The following PPARGC1A variants were observed in gnomAD, a reference collection of about 807,000 sequenced individuals.
The protein encoded by PPARGC1A is peroxisome proliferator-activated receptor gamma coactivator 1-alpha.
Under a neutral mutation model 88.7 loss-of-function variants are expected in PPARGC1A, and 25 were observed. That is an observed-to-expected ratio of 0.28 (90% confidence interval 0.21 to 0.39). The LOEUF is 0.39. Ranked by LOEUF, PPARGC1A falls within the 10% of genes least tolerant of loss-of-function variation. The probability of loss-of-function intolerance (pLI) is 1.00; values close to 1 mark genes in which losing one functional copy is unlikely to be tolerated. For synonymous variants in PPARGC1A, 363 were observed against 355.6 expected (o/e 1.02, Z -0.24); for missense variants, 880 against 968.7 (o/e 0.91, Z 1.22).
At chr4:24,139,136 A>G in the PPARGC1A span, among the ~76,000 whole-genome samples, 1 of 149,622 alleles carries the variant, frequency 6.7e-6, no homozygotes, top group African/African-American at 2.5e-5. Context: ...ACTATCAGAA[A>G]CTTTTTTTTT....
At chr4:24,235,302 G>C in the PPARGC1A span, among the ~76,000 whole-genome samples, 1 of 152,150 alleles carries the variant, frequency 6.6e-6, no homozygotes, top group Non-Finnish European at 1.5e-5. Context: ...TCACATAAAG[G>C]TATCTTGAAA....
chr4:24,310,466 T>G, the PPARGC1A span, among the ~76,000 whole-genome samples: 1 of 152,200 alleles, frequency 6.6e-6, no homozygotes, highest in African/African-American at 2.4e-5. Context: ...AATTTTATGG[T>G]TCGTAGCTGA....
chr4:24,242,598 T>A, the PPARGC1A span, among the ~76,000 whole-genome samples: 1 of 152,308 alleles, frequency 6.6e-6, no homozygotes, highest in South Asian at 2.1e-4. Flanking sequence ...GTCTTCTCCC[T>A]CTACTGATCT....
chr4:24,200,460 G>C, the PPARGC1A span, among the ~76,000 whole-genome samples: 5 of 151,714 alleles, frequency 3.3e-5, no homozygotes, highest in African/African-American at 1.2e-4. Flanking sequence ...GCAGTGAGCT[G>C]AGATCGCACC....
chr4:24,187,168 T>C, the PPARGC1A span, among the ~76,000 whole-genome samples: 1 of 152,222 alleles, frequency 6.6e-6, no homozygotes, highest in African/African-American at 2.4e-5. Context: ...GTGATGATGA[T>C]GATGGCGGCA....
chr4:24,467,576 G>C, the PPARGC1A span, among the ~76,000 whole-genome samples: 1 of 151,794 alleles, frequency 6.6e-6, no homozygotes, highest in Non-Finnish European at 1.5e-5. Context: ...ATTCTTTATG[G>C]TATTTGGACT....
At chr4:24,378,552 TAAAATACTCCAAGAATA>T in the PPARGC1A span, among the ~76,000 whole-genome samples, 1 of 152,112 alleles carries the variant, frequency 6.6e-6, no homozygotes, top group South Asian at 2.1e-4. Context: ...CGGATAACAC[TAAAATACTCCAAGAATA>T]ATCTATAAAT....
chr4:24,256,302 G>A, the PPARGC1A span, among the ~76,000 whole-genome samples: 2 of 152,142 alleles, frequency 1.3e-5, no homozygotes, highest in Admixed American at 1.3e-4. Context: ...TACCAAAAAA[G>A]ATCCAGATCG....
the PPARGC1A span, among the ~76,000 whole-genome samples, chr4:24,437,594 T>G: frequency 6.3e-3 from 906 of 143,832 alleles, 4 homozygotes; most frequent in East Asian, 0.02. Context: ...GCACAGGTTT[T>G]TTGTTGTTGT....
the PPARGC1A span, among the ~76,000 whole-genome samples, chr4:24,443,275 AAT>A: frequency 6.7e-6 from 1 of 149,446 alleles, no homozygotes; most frequent in Non-Finnish European, 1.5e-5. Context: ...TTTTTTAAAT[AAT>A]ATACCACAAA....
the PPARGC1A span, among the ~76,000 whole-genome samples, chr4:24,338,634 GC>G: frequency 6.6e-6 from 1 of 152,094 alleles, no homozygotes; most frequent in African/African-American, 2.4e-5. Flanking sequence ...CCTTTTCACT[GC>G]CCAAATTCCA....
the PPARGC1A span, among the ~76,000 whole-genome samples, chr4:24,212,844 G>T: frequency 2.0e-5 from 3 of 152,168 alleles, no homozygotes; most frequent in African/African-American, 7.2e-5. Flanking sequence ...AGACAACAAT[G>T]GTTGTGTCCC....
At chr4:24,401,035 T>TTC in the PPARGC1A span, among the ~76,000 whole-genome samples, 1 of 148,050 alleles carries the variant, frequency 6.8e-6, no homozygotes, top group South Asian at 2.2e-4. Flanking sequence ...TTTTTTTTTT[T>TTC]TGAGACAGAG....
chr4:24,370,749 C>CTTTTTTTTTTTTTTT, the PPARGC1A span, among the ~76,000 whole-genome samples: 1 of 62,868 alleles, frequency 1.6e-5, no homozygotes, highest in Non-Finnish European at 2.8e-5. Context: ...CTGTCTCTCT[C>CTTTTTTTTTTTTTTT]TTTTTTTTTT....
At chr4:24,335,613 C>A in the PPARGC1A span, among the ~76,000 whole-genome samples, 1 of 152,164 alleles carries the variant, frequency 6.6e-6, no homozygotes, top group East Asian at 1.9e-4. Flanking sequence ...GTATAAAATA[C>A]GTAACTTCTT....
At chr4:24,148,830 T>G in the PPARGC1A span, among the ~76,000 whole-genome samples, 1 of 152,204 alleles carries the variant, frequency 6.6e-6, no homozygotes, top group Non-Finnish European at 1.5e-5. Context: ...TCAAGGCAGA[T>G]GAAAAATACG....
chr4:24,354,905 C>CA, the PPARGC1A span, among the ~76,000 whole-genome samples: 6 of 151,572 alleles, frequency 4.0e-5, no homozygotes, highest in East Asian at 5.8e-4. Context: ...AACAAACAAA[C>CA]AAAAAACAGA....
the PPARGC1A span, among the ~76,000 whole-genome samples, chr4:24,104,781 C>T: frequency 6.6e-6 from 1 of 152,148 alleles, no homozygotes; most frequent in African/African-American, 2.4e-5. Flanking sequence ...AAAATATATG[C>T]CCAGTAAACC....
the PPARGC1A span, among the ~76,000 whole-genome samples, chr4:24,225,308 G>A: frequency 1.2e-3 from 180 of 152,236 alleles, no homozygotes; most frequent in African/African-American, 3.3e-3. Flanking sequence ...GGTGGCTCAC[G>A]CCTCTAATCC....
Sources: allele counts gnomAD v4.1 joint callset (sites outside exome capture counted in the v4.1 genomes callset), GRCh38; gene constraint gnomAD v4.1.1; transcripts MANE v1.5; gene names NCBI Gene and HGNC (gene_info 2026-07-23, HGNC 2026-07-21).